The following EYA2 variants were observed in gnomAD, a reference collection of about 807,000 sequenced individuals.
EYA2 encodes the protein protein phosphatase EYA2.
A neutral mutation model predicts 69.2 loss-of-function variants in EYA2; 31 were observed. That is an observed-to-expected ratio of 0.45 (90% CI 0.34 to 0.60). The LOEUF (loss-of-function observed/expected upper bound fraction) is 0.60. Ranked by LOEUF, EYA2 falls within the 20% of genes least tolerant of loss-of-function variation. The pLI, the probability that EYA2 is intolerant of heterozygous loss-of-function variation, is 0.02. For missense variants in EYA2, 622 were observed against 701.2 expected (o/e 0.89, Z 1.28); for synonymous variants, 257 against 279.4 (o/e 0.92, Z 0.80).
At chr20:47,070,842 TTTTTA>T (rs2146470578) in intron 5 of EYA2, among the ~76,000 whole-genome samples, 1 of 152,304 alleles carries the variant, frequency 6.6e-6, no homozygotes, top group African/African-American at 2.4e-5. Context: ...TAATTTTTAT[TTTTTA>T]TTTTATTTAC....
intron 5 of EYA2, among the ~76,000 whole-genome samples, chr20:47,020,381 A>T (rs540512839): frequency 1.3e-5 from 2 of 152,318 alleles, no homozygotes; most frequent in Non-Finnish European, 2.9e-5. Flanking sequence ...TGTTTGGATA[A>T]CACTGCCCCT....
intron 5 of EYA2, among the ~76,000 whole-genome samples, chr20:47,042,078 C>A (rs1434147962): frequency 6.6e-6 from 1 of 152,072 alleles, no homozygotes; most frequent in Non-Finnish European, 1.5e-5. Flanking sequence ...AAGAGATTAG[C>A]GAGTGTGAAA....
In EYA2 at chr20:47,078,327, G is replaced by GCACACACACACACACACA. The variant is rs1249113834; in HGVS notation, c.661+3993_661+3994insACACACACACACACACAC. Among the ~76,000 whole-genome samples, 11 of 78,096 alleles carry GCACACACACACACACACA rather than the reference G, an allele frequency of 1.4e-4. No homozygotes were observed. The East Asian group carries it at 2.9e-3, about 21-fold the overall frequency. 51.2% of individuals were successfully genotyped at this position (78,096 alleles called of 152,430 possible). A position where few individuals can be genotyped will look rare whatever the true frequency, so the allele number is the denominator to read the frequency against. ...TGTGCACATGTGCACGTGCGCGCGC[G>GCACACACACACACACACA]CGCGCACACACACACACACACACAC... On this transcript the variant is annotated intron_variant, in intron 7 of 15. Coordinates refer to ENST00000327619, the MANE Select transcript of EYA2 (RefSeq NM_005244.5).
At chr20:46,913,311 T>G (rs1457611993) in intron 1 of EYA2, among the ~76,000 whole-genome samples, 1 of 152,148 alleles carries the variant, frequency 6.6e-6, no homozygotes, top group African/African-American at 2.4e-5. Context: ...TGTTCAGGAA[T>G]GACCAGGAGT....
At chr20:47,049,088 G>A (rs2030191580) in intron 5 of EYA2, among the ~76,000 whole-genome samples, 1 of 152,200 alleles carries the variant, frequency 6.6e-6, no homozygotes. Context: ...GGGTCACATA[G>A]CCAGTAAATA....
At chr20:46,931,176 G>A (rs1985652446) in intron 1 of EYA2, among the ~76,000 whole-genome samples, 1 of 152,234 alleles carries the variant, frequency 6.6e-6, no homozygotes, top group Admixed American at 6.5e-5. Flanking sequence ...CTGAGGCTGA[G>A]AGAAGGCTGA....
rs145239502 is a variant in EYA2, at chr20:47,015,465, A to T, written c.299-716A>T. Among the ~76,000 whole-genome samples the T allele has an allele frequency of 2.6e-5, 4 of 152,262 alleles. No individual in the cohort carries two copies. The East Asian group carries it at 7.7e-4, about 29-fold the overall frequency. ...GGAGAGTGTCTTACAGTTAAGTGAT[A>T]TCATCTTTGCAGAGGAAGGGTGGTT... On this transcript the variant is annotated intron_variant, in intron 4 of 15. Coordinates refer to ENST00000327619, the MANE Select transcript of EYA2 (RefSeq NM_005244.5).
At chr20:46,916,071 A>C (rs1392869365) in intron 1 of EYA2, among the ~76,000 whole-genome samples, 1 of 152,232 alleles carries the variant, frequency 6.6e-6, no homozygotes, top group Non-Finnish European at 1.5e-5. Context: ...TATGAATTTC[A>C]TATGCAAAGA....
At chr20:47,124,377 T>C (rs1471945412) in intron 9 of EYA2, among the ~76,000 whole-genome samples, 2 of 152,216 alleles carry the variant, frequency 1.3e-5, no homozygotes, top group African/African-American at 4.8e-5. Context: ...GCTATACATA[T>C]AGTATCTTTT....
At chr20:47,053,278 C>T (rs1206740839) in intron 5 of EYA2, among the ~76,000 whole-genome samples, 2 of 152,206 alleles carry the variant, frequency 1.3e-5, no homozygotes, top group Non-Finnish European at 2.9e-5. Context: ...GCAAGTTTCT[C>T]AGCAAGAAAG....
At chr20:46,968,140 T>G (rs1480009442) in intron 1 of EYA2, among the ~76,000 whole-genome samples, 1 of 152,204 alleles carries the variant, frequency 6.6e-6, no homozygotes, top group Non-Finnish European at 1.5e-5. Flanking sequence ...TCCAGTTGTG[T>G]TTCTTAGAAA....
chr20:47,019,454 T>C (rs1983615281), intron 5 of EYA2, among the ~76,000 whole-genome samples: 1 of 152,076 alleles, frequency 6.6e-6, no homozygotes, highest in Non-Finnish European at 1.5e-5. Context: ...TCACACACCA[T>C]GCCCATGTGC....
intron 1 of EYA2, among the ~76,000 whole-genome samples, chr20:46,955,714 T>C (rs1979083204): frequency 1.3e-5 from 2 of 152,242 alleles, no homozygotes; most frequent in African/African-American, 4.8e-5. Flanking sequence ...GTCTCCACTT[T>C]CATAATCTCG....
At chr20:46,966,776 C>T (rs924211957) in intron 1 of EYA2, among the ~76,000 whole-genome samples, 2 of 151,578 alleles carry the variant, frequency 1.3e-5, no homozygotes, top group African/African-American at 2.4e-5. Flanking sequence ...TATTGTGCCA[C>T]TGCACTCCAG....
intron 10 of EYA2, among the ~76,000 whole-genome samples, chr20:47,160,490 G>T (rs977776215): frequency 2.6e-5 from 4 of 152,242 alleles, no homozygotes; most frequent in South Asian, 2.1e-4. Context: ...CCACGGTGGG[G>T]CGGGGGGCGG....
At chr20:47,026,790 T>TA (rs886630713) in intron 5 of EYA2, among the ~76,000 whole-genome samples, 48 of 152,344 alleles carry the variant, frequency 3.2e-4, no homozygotes, top group African/African-American at 1.1e-3. Context: ...AGTGGGGTGT[T>TA]ACTTGGCTTC....
intron 1 of EYA2, among the ~76,000 whole-genome samples, chr20:46,919,146 T>C (rs575381360): frequency 6.6e-6 from 1 of 152,366 alleles, no homozygotes; most frequent in African/African-American, 2.4e-5. Context: ...GCAGAGTAGA[T>C]TTAACATCAT....
chr20:46,929,258 T>G (rs555864830), intron 1 of EYA2, among the ~76,000 whole-genome samples: 24 of 152,068 alleles, frequency 1.6e-4, no homozygotes, highest in African/African-American at 5.5e-4. Flanking sequence ...GGATTTAAAC[T>G]GCTATAGTCC....
intron 10 of EYA2, among the ~76,000 whole-genome samples, chr20:47,156,430 C>T (rs1388477376): frequency 1.3e-5 from 2 of 151,576 alleles, no homozygotes; most frequent in African/African-American, 4.8e-5. Context: ...CAGGAATGGC[C>T]AGGCATTCGG....
Sources: allele counts gnomAD v4.1 joint callset (sites outside exome capture counted in the v4.1 genomes callset), GRCh38; gene constraint gnomAD v4.1.1; transcripts MANE v1.5; gene names NCBI Gene and HGNC (gene_info 2026-07-23, HGNC 2026-07-21).